Variants in ATF7 observed in about 807,000 individuals in gnomAD.
ATF7 encodes activating transcription factor 7, also known as cyclic AMP-dependent transcription factor ATF-7.
ATF7 carries 10 observed loss-of-function variants against 50.4 expected under a neutral mutation model. The ratio of observed to expected loss-of-function variants is 0.20; its 90% CI spans 0.12 to 0.34. The LOEUF (loss-of-function observed/expected upper bound fraction) is 0.34. Ranked by LOEUF, ATF7 falls within the 10% of genes least tolerant of loss-of-function variation. The probability of loss-of-function intolerance (pLI) is 1.00; values close to 1 mark genes in which losing one functional copy is unlikely to be tolerated. For synonymous variants in ATF7, 201 were observed against 226.4 expected (o/e 0.89, Z 1.01); for missense variants, 465 against 613.9 (o/e 0.76, Z 2.56).
chr12:53,619,151 A>AT (rs1458279539), intron 1 of ATF7, among the ~76,000 whole-genome samples: 2 of 152,172 alleles, frequency 1.3e-5, no homozygotes, highest in African/African-American at 4.8e-5. Flanking sequence ...GAGTAGTTTA[A>AT]TTCTTTCATT....
At chr12:53,556,597 CA>C (rs1450747325) in intron 2 of ATF7, among the ~76,000 whole-genome samples, 2 of 151,998 alleles carry the variant, frequency 1.3e-5, no homozygotes, top group Admixed American at 1.3e-4. Flanking sequence ...GACTCCATCT[CA>C]AAAAAACAAC....
chr12:53,526,107 G>A lies in ATF7; in HGVS notation c.928-1346C>T, dbSNP rs149608206. Among the ~76,000 whole-genome samples the A allele has an allele frequency of 1.3e-3, 193 of 152,076 alleles. 2 individuals carry two copies. The East Asian group carries it at 0.027, about 22-fold the overall frequency. On this transcript the variant is annotated intron_variant, in intron 9 of 11. Transcript: ENST00000420353. Reference sequence around the variant, plus strand: ...TGCCTGTAATCCCAGCTACTTGGGAGGCTGAGGCAGGAGAATTGCTTGAAC... The same window carrying A: ...TGCCTGTAATCCCAGCTACTTGGGAAGCTGAGGCAGGAGAATTGCTTGAAC...
downstream of ATF7, among the ~76,000 whole-genome samples, chr12:53,509,132 G>A (rs754025582): frequency 2.0e-5 from 3 of 152,152 alleles, no homozygotes; most frequent in South Asian, 2.1e-4. Context: ...GCCTCTGCTT[G>A]AGCAAGCTGT....
chr12:53,619,077 G>C (rs1052293093), intron 1 of ATF7, among the ~76,000 whole-genome samples: 1 of 151,292 alleles, frequency 6.6e-6, no homozygotes, highest in Non-Finnish European at 1.5e-5. Context: ...AGAAGAAAAT[G>C]AAAAGTTAGG....
downstream of ATF7, among the ~76,000 whole-genome samples, chr12:53,510,525 C>CTTGCA (rs1297619370): frequency 0.016 from 2,367 of 152,292 alleles, 52 homozygotes; most frequent in African/African-American, 0.055. Flanking sequence ...CAGTTGTAAT[C>CTTGCA]CTAGCTCTTG....
intron 11 of ATF7, among the ~76,000 whole-genome samples, chr12:53,521,583 A>T (rs895369691): frequency 4.6e-5 from 7 of 152,230 alleles, no homozygotes; most frequent in Admixed American, 1.3e-4. Context: ...TTTATTCAAA[A>T]GCCACCTAAT....
chr12:53,620,243 A>T (rs1593011296), intron 1 of ATF7, among the ~76,000 whole-genome samples: 1 of 152,040 alleles, frequency 6.6e-6, no homozygotes, highest in Non-Finnish European at 1.5e-5. Flanking sequence ...GTTCAAGACC[A>T]GCCTGGCCAA....
In ATF7 at chr12:53,513,135, T is replaced by C. The variant is rs1286252426; in HGVS notation, c.*4002A>G. On this transcript the variant is annotated 3_prime_UTR_variant, in exon 12 of 12. Transcript: ENST00000420353. ...TTAAAAAAATAAACCCTAGTAGCTA[T>C]GATACAAACCTACATCTACAGAGGA... The C allele has an allele frequency of 1.3e-5, 2 of 152,156 alleles. No individual in the cohort carries two copies. Among genetic ancestry groups the C allele is most frequent in the African/African-American group, 4.8e-5 (2 of 41,422 alleles). 9.4% of individuals were successfully genotyped at this position (152,156 alleles called of 1,614,324 possible). A position where few individuals can be genotyped will look rare whatever the true frequency, so the allele number is the denominator to read the frequency against.
At chr12:53,526,675 A>AC (rs1240961739) in intron 9 of ATF7, among the ~76,000 whole-genome samples, 1 of 150,812 alleles carries the variant, frequency 6.6e-6, no homozygotes, top group Non-Finnish European at 1.5e-5. Flanking sequence ...ACATGGCAAA[A>AC]CCCCGTCTCT....
intron 1 of ATF7, among the ~76,000 whole-genome samples, chr12:53,609,800 CTTA>C (rs1943774621): frequency 7.1e-6 from 1 of 141,208 alleles, no homozygotes; most frequent in Non-Finnish European, 1.5e-5. Context: ...ACTAATTAGC[CTTA>C]TTGTTTTAAA....
At chr12:53,596,773 C>G (rs1565584809) in intron 2 of ATF7, among the ~76,000 whole-genome samples, 1 of 152,192 alleles carries the variant, frequency 6.6e-6, no homozygotes, top group Non-Finnish European at 1.5e-5. Flanking sequence ...GTATAAAAAA[C>G]TTATAAGACT....
chr12:53,566,301 G>T (rs1408105710), intron 2 of ATF7, among the ~76,000 whole-genome samples: 1 of 152,190 alleles, frequency 6.6e-6, no homozygotes. Context: ...GGCAGTGAAA[G>T]GGAAGGGGCA....
At chr12:53,570,736 CGTGTGTGT>C (rs57842916) in intron 2 of ATF7, among the ~76,000 whole-genome samples, 40,597 of 143,454 alleles carry the variant, frequency 0.28, 5,781 homozygotes, top group East Asian at 0.6. Flanking sequence ...CTCCTGTGTG[CGTGTGTGT>C]GTGTGTGTGT....
At chr12:53,527,996 C>T (rs903379268) in intron 9 of ATF7, among the ~76,000 whole-genome samples, 1 of 151,762 alleles carries the variant, frequency 6.6e-6, no homozygotes, top group Non-Finnish European at 1.5e-5. Flanking sequence ...CGCCTGCCAC[C>T]ATGCCTGGCT....
intron 9 of ATF7, among the ~76,000 whole-genome samples, chr12:53,527,836 A>T (rs532611549): frequency 6.6e-6 from 1 of 151,870 alleles, no homozygotes; most frequent in Non-Finnish European, 1.5e-5. Flanking sequence ...ATTAATATAG[A>T]TAATTAAGAA....
chr12:53,604,800 ATCATTCAT>A (rs1352741757), intron 1 of ATF7, among the ~76,000 whole-genome samples: 2 of 152,222 alleles, frequency 1.3e-5, no homozygotes, highest in Non-Finnish European at 2.9e-5. Context: ...AAGATTAGCT[ATCATTCAT>A]TCATTCATTA....
At chr12:53,602,890 C>A (rs1943459587) in intron 1 of ATF7, among the ~76,000 whole-genome samples, 1 of 152,150 alleles carries the variant, frequency 6.6e-6, no homozygotes, top group Non-Finnish European at 1.5e-5. Flanking sequence ...AATGCAATGA[C>A]CAGGACCATT....
intron 2 of ATF7, among the ~76,000 whole-genome samples, chr12:53,597,252 A>G (rs1430698571): frequency 6.6e-6 from 1 of 152,144 alleles, no homozygotes; most frequent in Non-Finnish European, 1.5e-5. Flanking sequence ...TACTGGTGGG[A>G]AGTGGATCAT....
At chr12:53,525,339 G>A (rs1048459848) in intron 9 of ATF7, among the ~76,000 whole-genome samples, 1 of 152,158 alleles carries the variant, frequency 6.6e-6, no homozygotes, top group Admixed American at 6.6e-5. Context: ...GGCAACAAGA[G>A]CGAAACTCCG....
Sources: allele counts gnomAD v4.1 joint callset (sites outside exome capture counted in the v4.1 genomes callset), GRCh38; gene constraint gnomAD v4.1.1; transcripts MANE v1.5; gene names NCBI Gene and HGNC (gene_info 2026-07-23, HGNC 2026-07-21).